The following CAPN5 variants were observed in gnomAD, a reference collection of about 807,000 sequenced individuals.
CAPN5 encodes the protein calpain 5.
A neutral mutation model predicts 73.0 loss-of-function variants in CAPN5; 54 were observed. That is an observed-to-expected ratio of 0.74 (90% CI 0.59 to 0.93). The LOEUF (loss-of-function observed/expected upper bound fraction) is 0.93, where lower values mean the gene tolerates loss of function less well. CAPN5 is among the 40% of genes least tolerant of loss of function. The pLI is 0.00. For synonymous variants in CAPN5, 335 were observed against 356.9 expected (o/e 0.94, Z 0.69); for missense variants, 785 against 882.9 (o/e 0.89, Z 1.41).
chr11:77,091,721 C>A (rs1161977833), intron 2 of CAPN5, among the ~76,000 whole-genome samples: 1 of 152,174 alleles, frequency 6.6e-6, no homozygotes. Context: ...AGGCCCCACC[C>A]CCAGCTCAGG....
At chr11:77,078,584 T>C (rs1949997119) in intron 1 of CAPN5, among the ~76,000 whole-genome samples, 1 of 152,200 alleles carries the variant, frequency 6.6e-6, no homozygotes, top group African/African-American at 2.4e-5. Flanking sequence ...AAGGACTGTT[T>C]TTTATTTCTG....
intron 4 of CAPN5, 71 bp downstream of exon 4, chr11:77,112,868 A>G (rs1950426358): frequency 1.4e-6 from 2 of 1,419,428 alleles, no homozygotes; most frequent in Admixed American, 3.6e-5. Flanking sequence ...TCCTCGTGGT[A>G]TTCCGTTAGC....
At position 77,123,848 on chromosome 11, in the gene CAPN5, G is replaced by C; in HGVS notation, c.1901G>C (p.Ser634Thr). The C allele has an allele frequency of 6.2e-7, 1 of 1,613,560 alleles. No homozygotes were observed. Among genetic ancestry groups the C allele is most frequent in the Non-Finnish European group, 8.5e-7 (1 of 1,179,870 alleles). Residue 634 changes from serine (S) to threonine (T), a missense_variant, in exon 13 of 13, where the codon AGC (serine) becomes ACC (threonine). Transcript: ENST00000648180. Reference protein sequence around the residue: ...PGTVAVHILSSTSLMAV With the variant: ...PGTVAVHILSTTSLMAV ...ACTGTGGCCGTGCACATTCTCAGCA[G>C]CACCTCCCTCATGGCTGTCTGACAC...
chr11:77,103,101 A>G (rs782663049), intron 3 of CAPN5: 27 of 1,613,752 alleles, frequency 1.7e-5, no homozygotes, highest in South Asian at 1.6e-4. Context: ...GCAGAACTGG[A>G]CGCCTGACCT....
intron 1 of CAPN5, among the ~76,000 whole-genome samples, chr11:77,074,760 G>T (rs1591109059): frequency 1.3e-5 from 2 of 152,200 alleles, no homozygotes; most frequent in East Asian, 1.9e-4. Flanking sequence ...CCGGCACTGG[G>T]TGATACTCAC....
chr11:77,098,544 G>GT (rs1950241929), intron 3 of CAPN5, among the ~76,000 whole-genome samples: 1 of 90,846 alleles, frequency 1.1e-5, no homozygotes, highest in Admixed American at 9.6e-5. Context: ...GGCTGGCCGG[G>GT]CGGGGGGCTG....
chr11:77,119,099 A>T lies in CAPN5; in HGVS notation c.1237A>T (p.Thr413Ser). The T allele has an allele frequency of 6.2e-7, 1 of 1,614,054 alleles. No homozygotes were observed. Reference sequence around the variant, plus strand: ...CATCCAGCAGCGGCCAAAGCGGTCTACGCGCCGGGAGGGCAAGGGTGAGAA... The same window carrying T: ...CATCCAGCAGCGGCCAAAGCGGTCTTCGCGCCGGGAGGGCAAGGGTGAGAA... ...ICIQQRPKRS[T>S]RREGKGENLA... Residue 413 changes from threonine (T) to serine (S), a missense_variant, in exon 9 of 13, where the codon ACG becomes TCG. By Grantham distance (58) the Thr-to-Ser change is moderately conservative (BLOSUM62 1). Transcript: ENST00000648180.
At chr11:77,115,703 G>T in intron 6 of CAPN5, 115 bp downstream of exon 6, 1 of 781,138 alleles carries the variant, frequency 1.3e-6, no homozygotes, top group South Asian at 1.7e-5. Context: ...GGGGGAGGAT[G>T]ACACTAGGAA....
intron 3 of CAPN5, among the ~76,000 whole-genome samples, chr11:77,105,854 A>G (rs1444617477): frequency 6.6e-6 from 1 of 152,004 alleles, no homozygotes; most frequent in East Asian, 1.9e-4. Flanking sequence ...TCTGAAGCGC[A>G]CTCATTTTTG....
rs114737977 is a variant in CAPN5 at position 77,070,901 on chromosome 11, T to C, written c.-36+3807T>C. Among the ~76,000 whole-genome samples the C allele has an allele frequency of 9.9e-3, 1,503 of 152,258 alleles. 21 individuals are homozygous for C. Among genetic ancestry groups the C allele is most frequent in the African/African-American group, 0.034 (1,417 of 41,536 alleles). On this transcript the variant is annotated intron_variant, in intron 1 of 12. Coordinates refer to ENST00000648180, the MANE Select transcript of CAPN5 (RefSeq NM_004055.5). ...TCTTTCCTCCTCTGCAGGCAGATCCTCTCCACCTCCCTCTTATAGGGACAC... is the reference window on the plus strand; with the variant it reads ...TCTTTCCTCCTCTGCAGGCAGATCCCCTCCACCTCCCTCTTATAGGGACAC...
rs782366056 is a variant in CAPN5 at position 77,103,038 on chromosome 11, C to T, written c.297+9225C>T. The T allele has an allele frequency of 1.5e-5, 25 of 1,613,448 alleles. No homozygotes were observed. Among genetic ancestry groups the T allele is most frequent in the East Asian group, 4.5e-5 (2 of 44,892 alleles). ...CCAGCAGCAGCGGCTACAGTTCGAG[C>T]GCTGGAATGTCGTGCTGGACAAGCC... On this transcript the variant is annotated intron_variant, in intron 3 of 12. Transcript: ENST00000648180.
intron 7 of CAPN5, among the ~76,000 whole-genome samples, chr11:77,116,591 G>A (rs1161748997): frequency 6.6e-6 from 1 of 152,188 alleles, no homozygotes; most frequent in African/African-American, 2.4e-5. Flanking sequence ...TCAGGGAGCC[G>A]TCTAAGAGGT....
intron 3 of CAPN5, among the ~76,000 whole-genome samples, chr11:77,104,623 C>G (rs1314451546): frequency 6.6e-6 from 1 of 152,208 alleles, no homozygotes; most frequent in African/African-American, 2.4e-5. Context: ...CCCAGAGAGC[C>G]CCCCCTTTTG....
intron 1 of CAPN5, among the ~76,000 whole-genome samples, chr11:77,068,425 G>A (rs933803650): frequency 3.9e-5 from 6 of 152,064 alleles, no homozygotes; most frequent in Non-Finnish European, 5.9e-5. Flanking sequence ...ATGGGTGCCC[G>A]GGAGCTGGGG....
chr11:77,073,958 C>G (rs1949939382), intron 1 of CAPN5, among the ~76,000 whole-genome samples: 1 of 152,166 alleles, frequency 6.6e-6, no homozygotes, highest in South Asian at 2.1e-4. Context: ...CCCTCCCCAC[C>G]CTGCCATCCA....
At chr11:77,073,271 C>T (rs1291304007) in intron 1 of CAPN5, 2 of 415,318 alleles carry the variant, frequency 4.8e-6, no homozygotes, top group African/African-American at 2.1e-5. Flanking sequence ...GTCTCCACCT[C>T]CACAAGTGTG....
At chr11:77,074,906 G>A (rs1949952224) in intron 1 of CAPN5, among the ~76,000 whole-genome samples, 1 of 152,136 alleles carries the variant, frequency 6.6e-6, no homozygotes, top group East Asian at 1.9e-4. Context: ...AAGAGCTGAG[G>A]CTCTCTCCCA....
chr11:77,123,534 C>T (rs1290205347), intron 12 of CAPN5, among the ~76,000 whole-genome samples, 154 bp from the exon 13 acceptor site: 6 of 152,094 alleles, frequency 3.9e-5, no homozygotes, highest in Admixed American at 6.5e-5. Context: ...CCACCTTGCC[C>T]GTAGTTCATG....
chr11:77,094,287 AG>A (rs1591125134), intron 3 of CAPN5, among the ~76,000 whole-genome samples: 1 of 152,156 alleles, frequency 6.6e-6, no homozygotes, highest in East Asian at 1.9e-4. Flanking sequence ...CCCAGTTCCA[AG>A]CTGCTGGTGT....
Sources: gnomAD v4.1 joint callset for allele counts (sites outside exome capture counted in the v4.1 genomes callset) on GRCh38, gnomAD v4.1.1 for gene constraint, MANE v1.5 for transcripts, NCBI Gene and HGNC (gene_info 2026-07-23, HGNC 2026-07-21) for gene names.